The following TTYH3 variants were observed in gnomAD, a reference collection of about 807,000 sequenced individuals.
TTYH3 encodes tweety family member 3, also known as protein tweety homolog 3.
TTYH3 carries 23 observed loss-of-function variants against 68.2 expected under a neutral mutation model. The ratio of observed to expected loss-of-function variants is 0.34; its 90% CI spans 0.24 to 0.48. TTYH3 has a LOEUF of 0.48. Ranked by LOEUF, TTYH3 falls within the 20% of genes least tolerant of loss-of-function variation. The pLI is 0.99. For missense variants in TTYH3, 768 were observed against 727.7 expected, an observed-to-expected ratio of 1.06 and a Z score of -0.64; for synonymous variants, 360 against 332.8, an observed-to-expected ratio of 1.08 and a Z score of -0.89.
chr7:2,642,076 G>A (rs115178716), intron 1 of TTYH3, among the ~76,000 whole-genome samples: 3,519 of 152,332 alleles, frequency 0.023, 132 homozygotes, highest in African/African-American at 0.08. Flanking sequence ...TCCGTTTGCA[G>A]CTGGCCCCAT....
chr7:2,640,196 C>T (rs558448898), intron 1 of TTYH3, among the ~76,000 whole-genome samples: 1 of 152,352 alleles, frequency 6.6e-6, no homozygotes, highest in East Asian at 1.9e-4. Context: ...CTGCCTGTGG[C>T]TGGGGCTGGA....
In TTYH3 at chr7:2,635,203, C is replaced by T. The variant is rs143247048; in HGVS notation, c.123+2925C>T. ...CTGAGGCCTCTGGCGTGGCCCGGGG[C>T]CAGTCAGTGCTGCATAGTGAGTCCT... On this transcript the variant is annotated intron_variant, in intron 1 of 13. Coordinates refer to ENST00000258796, the MANE Select transcript of TTYH3 (RefSeq NM_025250.3). Among the ~76,000 whole-genome samples, 305 of 152,260 alleles carry T rather than the reference C, an allele frequency of 2.0e-3. 2 individuals are homozygous for T. The Middle Eastern group carries it at 0.044, about 22-fold the overall frequency.
chr7:2,637,396 C>T (rs943662319), intron 1 of TTYH3, among the ~76,000 whole-genome samples: 19 of 152,142 alleles, frequency 1.2e-4, no homozygotes, highest in Admixed American at 6.5e-5. Context: ...CCCAGTGGCC[C>T]TGGGAGGTGG....
chr7:2,638,587 T>G (rs943936769), intron 1 of TTYH3, among the ~76,000 whole-genome samples: 4 of 151,850 alleles, frequency 2.6e-5, no homozygotes, highest in African/African-American at 9.7e-5. Context: ...ACCTCAGGAG[T>G]TGGGGACAGG....
In TTYH3 at chr7:2,661,870, G is replaced by A. The variant is rs532585847; in HGVS notation, c.*131G>A. On this transcript the variant is annotated 3_prime_UTR_variant, in exon 14 of 14. Coordinates refer to ENST00000258796, the MANE Select transcript of TTYH3 (RefSeq NM_025250.3). Reference sequence around the variant, plus strand: ...CCTGCCCCAGACGCGTCTGCAGGCCGCTTGCCCTCCTGTCCCCTCCCCGCA... The same window carrying A: ...CCTGCCCCAGACGCGTCTGCAGGCCACTTGCCCTCCTGTCCCCTCCCCGCA... The A allele has an allele frequency of 1.1e-4, 107 of 1,007,108 alleles. No homozygotes were observed. In the Admixed American group the frequency reaches 1.8e-3, roughly 17 times the overall value. 62.4% of individuals were successfully genotyped at this position (1,007,108 alleles called of 1,614,324 possible).
Position 2,661,891 on chromosome 7 carries a change from CCGCAGGGGCACAGTGGAGA to C in TTYH3, c.*162_*180del. ...GGCCGCTTGCCCTCCTGTCCCCTCC[CCGCAGGGGCACAGTGGAGA>C]CGCAGGGGCTCTGGGCCCGTACCGC... is the stretch of plus-strand genomic sequence containing the variant. On this transcript the variant is annotated 3_prime_UTR_variant, in exon 14 of 14. Transcript: ENST00000258796. 1 of 803,308 alleles carries C rather than the reference CCGCAGGGGCACAGTGGAGA, an allele frequency of 1.2e-6. No individual in the cohort carries two copies. The highest frequency in any genetic ancestry group is 2.0e-6 in the Non-Finnish European group (1 of 498,732). 49.8% of individuals were successfully genotyped at this position (803,308 alleles called of 1,614,324 possible).
In TTYH3 at chr7:2,650,004, CG is replaced by C; in HGVS notation, c.871+18del. On this transcript the variant is annotated intron_variant, in intron 7 of 13. Transcript: ENST00000258796. ...CTGAGTGGGGGTGAGTCTGTGTCCA[CG>C]GCCGTGTCCCAGCGGGTTCCCCAGG... 6.2e-7 allele frequency: 1 copy of C among 1,613,634 alleles called. No homozygotes were observed. The highest frequency in any genetic ancestry group is 8.5e-7 in the Non-Finnish European group (1 of 1,179,772).
In TTYH3 at chr7:2,664,333, G is replaced by C. The variant is rs927973041; in HGVS notation, c.*2594G>C. On this transcript the variant is annotated 3_prime_UTR_variant, in exon 14 of 14. Transcript: ENST00000258796. ...GGGGCCAGCTCTGCCCCAGCCCTGA[G>C]AGGGGTGGTGAGGCAGCCCCCTGGA... is the stretch of plus-strand genomic sequence containing the variant. 1 of 152,650 alleles carries C rather than the reference G, an allele frequency of 6.6e-6. No homozygotes were observed. Among genetic ancestry groups the C allele is most frequent in the African/African-American group, 2.4e-5 (1 of 41,448 alleles). 9.5% of individuals were successfully genotyped at this position (152,650 alleles called of 1,614,324 possible).
chr7:2,658,270 G>A lies in TTYH3; in HGVS notation c.1251-16G>A, dbSNP rs768843814. On this transcript the variant is annotated splice_polypyrimidine_tract_variant and intron_variant, in intron 11 of 13. Transcript: ENST00000258796. Reference sequence around the variant, plus strand: ...CTGCTGGGGCCTGAGCCCGTGCTGCGTGTCCCTCCTCACAGAGGCCCTGAT... The same window carrying A: ...CTGCTGGGGCCTGAGCCCGTGCTGCATGTCCCTCCTCACAGAGGCCCTGAT... The A allele has an allele frequency of 1.2e-5, 18 of 1,538,560 alleles. No individual in the cohort carries two copies. Among genetic ancestry groups the A allele is most frequent in the Middle Eastern group, 2.1e-4 (1 of 4,728 alleles).
chr7:2,636,843 G>A (rs913839292), intron 1 of TTYH3, among the ~76,000 whole-genome samples: 6 of 152,108 alleles, frequency 3.9e-5, no homozygotes, highest in African/African-American at 2.4e-5. Flanking sequence ...GCCGCTGCCC[G>A]CATCAAGGGT....
chr7:2,640,979 C>A (rs1339044996), intron 1 of TTYH3, among the ~76,000 whole-genome samples: 1 of 152,200 alleles, frequency 6.6e-6, no homozygotes, highest in Non-Finnish European at 1.5e-5. Flanking sequence ...CTCTAATATC[C>A]TGGGGACATC....
intron 13 of TTYH3, chr7:2,660,069 A>G: frequency 3.9e-6 from 5 of 1,292,218 alleles, no homozygotes; most frequent in Non-Finnish European, 5.1e-6. Flanking sequence ...CCCATCCCGC[A>G]CGGCCACCCG....
In TTYH3 at chr7:2,664,070, G is replaced by GC. The variant is rs1021522236; in HGVS notation, c.*2336dup. ...CTCACCCTGCACAGGGGGTCTTGCAGCCCCCAGGCCCACAGCCTCGTTGGG... is the reference window on the plus strand; with the variant it reads ...CTCACCCTGCACAGGGGGTCTTGCAGCCCCCCAGGCCCACAGCCTCGTTGGG... On this transcript the variant is annotated 3_prime_UTR_variant, in exon 14 of 14. Transcript: ENST00000258796. The GC allele has an allele frequency of 6.6e-6, 1 of 152,512 alleles. No individual in the cohort carries two copies. The highest frequency in any genetic ancestry group is 1.5e-5 in the Non-Finnish European group (1 of 68,068). 9.4% of individuals were successfully genotyped at this position (152,512 alleles called of 1,614,324 possible).
At position 2,648,028 on chromosome 7, in the gene TTYH3, C is replaced by A. The variant is rs764655068; in HGVS notation, c.696C>A (p.Ile232=). The stretch of plus-strand genomic sequence containing the variant: ...GCCTCCTGGTGCTGGTTGGCCTCAT[C>A]CGCAGCTCCAAGGGCATCCTGGTGG... ...IICLLVLVGL[I]RSSKGILVGV... Residue 232 remains isoleucine (I), a synonymous_variant, in exon 5 of 14, where the codon ATC becomes ATA. Transcript: ENST00000258796. 7.5e-6 allele frequency: 12 copies of A among 1,610,692 alleles called. No individual in the cohort carries two copies. The highest frequency in any genetic ancestry group is 1.0e-5 in the Non-Finnish European group (12 of 1,179,868).
chr7:2,651,027 G>T (rs1237799655), intron 7 of TTYH3, among the ~76,000 whole-genome samples: 1 of 151,904 alleles, frequency 6.6e-6, no homozygotes, highest in African/African-American at 2.4e-5. Flanking sequence ...AGGTCTGGAG[G>T]TGGGGGGCAG....
intron 9 of TTYH3, among the ~76,000 whole-genome samples, 183 bp downstream of exon 9, chr7:2,653,193 G>A (rs1287759639): frequency 6.6e-6 from 1 of 152,118 alleles, no homozygotes; most frequent in African/African-American, 2.4e-5. Flanking sequence ...CCCTTTCCGC[G>A]TTAGGCCTCA....
Position 2,661,856 on chromosome 7 carries a change from C to G in TTYH3, c.*117C>G, listed in dbSNP as rs1206384376. The G allele has an allele frequency of 1.4e-5, 16 of 1,165,756 alleles. No homozygotes were observed. Among genetic ancestry groups the G allele is most frequent in the Non-Finnish European group, 2.0e-5 (16 of 816,900 alleles). 72.2% of individuals were successfully genotyped at this position (1,165,756 alleles called of 1,614,324 possible). A position where few individuals can be genotyped will look rare whatever the true frequency, so the allele number is the denominator to read the frequency against. ...CACGCCGTGCCAGGCCTGCCCCAGA[C>G]GCGTCTGCAGGCCGCTTGCCCTCCT... On this transcript the variant is annotated 3_prime_UTR_variant, in exon 14 of 14. Coordinates refer to ENST00000258796, the MANE Select transcript of TTYH3 (RefSeq NM_025250.3).
chr7:2,661,262 G>A (rs1302808193), intron 13 of TTYH3, among the ~76,000 whole-genome samples: 1 of 152,138 alleles, frequency 6.6e-6, no homozygotes, highest in Non-Finnish European at 1.5e-5. Flanking sequence ...CTGGAGGGTG[G>A]CTGGTTTGTG....
In TTYH3 at chr7:2,664,518, A is replaced by ACC. The variant is rs1367161336; in HGVS notation, c.*2785_*2786dup. On this transcript the variant is annotated 3_prime_UTR_variant, in exon 14 of 14. Transcript: ENST00000258796. The stretch of plus-strand genomic sequence containing the variant: ...TCCTTAAGACTCAGCCTCCTGGTTT[A>ACC]CCCCCCCGGCCTGGGCATCTGACCT... 1 of 148,936 alleles carries ACC rather than the reference A, an allele frequency of 6.7e-6. No homozygotes were observed. Among genetic ancestry groups the ACC allele is most frequent in the African/African-American group, 2.5e-5 (1 of 40,086 alleles). 9.2% of individuals were successfully genotyped at this position (148,936 alleles called of 1,614,324 possible). A position where few individuals can be genotyped will look rare whatever the true frequency, so the allele number is the denominator to read the frequency against.
Sources: gnomAD v4.1 joint callset for allele counts (sites outside exome capture counted in the v4.1 genomes callset) on GRCh38, gnomAD v4.1.1 for gene constraint, MANE v1.5 for transcripts, NCBI Gene and HGNC (gene_info 2026-07-23, HGNC 2026-07-21) for gene names.